The following ATL1 variants were observed in gnomAD, a reference collection of about 807,000 sequenced individuals.
The protein encoded by ATL1 is atlastin-1.
A neutral mutation model predicts 75.5 loss-of-function variants in ATL1; 31 were observed. The observed-to-expected ratio is 0.41, with a 90% CI of 0.31 to 0.55. The LOEUF (loss-of-function observed/expected upper bound fraction) is 0.55. Among genes scored for constraint, ATL1 ranks in the 20% least tolerant of loss-of-function variants. ATL1 has a pLI of 0.27. For missense variants in ATL1, 405 were observed against 662.6 expected (o/e 0.61, Z 4.27); for synonymous variants, 226 against 233.3 (o/e 0.97, Z 0.28).
chr14:50,621,042 T>C (rs1212281913), intron 9 of ATL1, among the ~76,000 whole-genome samples: 2 of 152,218 alleles, frequency 1.3e-5, no homozygotes, highest in Non-Finnish European at 2.9e-5. Context: ...CCAGGGTCCA[T>C]GGTCTATTCT....
chr14:50,555,324 C>G (rs2038752909), upstream of ATL1, among the ~76,000 whole-genome samples: 3 of 152,232 alleles, frequency 2.0e-5, no homozygotes, highest in South Asian at 6.2e-4. Context: ...CTCTGTCACC[C>G]AGGCTGGAGT....
upstream of ATL1, among the ~76,000 whole-genome samples, chr14:50,556,482 T>G (rs1296135789): frequency 6.6e-6 from 1 of 152,188 alleles, no homozygotes; most frequent in African/African-American, 2.4e-5. Flanking sequence ...CTTCCCAAAG[T>G]GCTGGGATTA....
chr14:50,579,405 T>C (rs1005705569), intron 1 of ATL1, among the ~76,000 whole-genome samples: 14 of 152,234 alleles, frequency 9.2e-5, no homozygotes, highest in Admixed American at 3.3e-4. Flanking sequence ...TATTGGTGTC[T>C]GTTAGTGTAA....
chr14:50,610,258 C>T (rs575585221), intron 6 of ATL1, among the ~76,000 whole-genome samples: 76 of 152,158 alleles, frequency 5.0e-4, no homozygotes, highest in Non-Finnish European at 8.1e-4. Context: ...TGAGAAAATA[C>T]TTAGTAAAGT....
intron 2 of ATL1, among the ~76,000 whole-genome samples, chr14:50,589,042 G>A (rs2039129103): frequency 6.6e-6 from 1 of 151,858 alleles, no homozygotes; most frequent in South Asian, 2.1e-4. Flanking sequence ...CATAGATTTT[G>A]CACTTAGGCA....
intron 2 of ATL1, 91 bp downstream of exon 2, chr14:50,588,169 A>G (rs1210166525): frequency 2.7e-6 from 4 of 1,476,472 alleles, no homozygotes; most frequent in African/African-American, 2.8e-5. Context: ...TTTCATTTCT[A>G]TTATTATGTA....
chr14:50,572,778 G>C (rs2038966041), intron 1 of ATL1, among the ~76,000 whole-genome samples: 3 of 152,130 alleles, frequency 2.0e-5, no homozygotes, highest in African/African-American at 7.2e-5. Context: ...TTGATATGTA[G>C]TAGATTTATT....
At chr14:50,537,434 G>T (rs1039596076) in intron 1 of ATL1, among the ~76,000 whole-genome samples, 2 of 152,216 alleles carry the variant, frequency 1.3e-5, no homozygotes, top group African/African-American at 4.8e-5. Flanking sequence ...GAAATGTGGG[G>T]TCAGAGCCCC....
chr14:50,553,952 A>G (rs953556861), intron 1 of ATL1, among the ~76,000 whole-genome samples: 1 of 152,150 alleles, frequency 6.6e-6, no homozygotes, highest in African/African-American at 2.4e-5. Context: ...GACTCCGGGC[A>G]AAGGGTCGGG....
chr14:50,548,313 A>G lies in ATL1; in HGVS notation c.-139-11814A>G, dbSNP rs147134755. 8.5e-5 allele frequency among the ~76,000 whole-genome samples: 13 copies of G among 152,282 alleles called. No homozygotes were observed. The East Asian group carries it at 2.3e-3, about 27-fold the overall frequency. On this transcript the variant is annotated intron_variant, in intron 1 of 13. Transcript: ENST00000441560. The stretch of plus-strand genomic sequence containing the variant: ...ATTGTACACCCTAATGAAGAAGAGT[A>G]AAAAATGGGATTGGGCACACATAGA...
intron 6 of ATL1, among the ~76,000 whole-genome samples, chr14:50,604,229 A>G (rs2140218186): frequency 6.6e-6 from 1 of 152,264 alleles, no homozygotes; most frequent in East Asian, 1.9e-4. Flanking sequence ...GCTGACCTCA[A>G]CCTAGGCCAC....
Position 50,621,919 on chromosome 14 carries a change from C to A in ATL1, c.1047+20C>A. 1 of 1,554,594 alleles carries A rather than the reference C, an allele frequency of 6.4e-7. No individual in the cohort carries two copies. Among genetic ancestry groups the A allele is most frequent in the Non-Finnish European group, 8.9e-7 (1 of 1,127,222 alleles). On this transcript the variant is annotated intron_variant, in intron 10 of 13. Transcript: ENST00000358385. ...TTACAGGTATTTATTAATGAGGAGG[C>A]ATGTTTTAAGACACGTGACTAAGGC...
In ATL1 at chr14:50,620,580, G is replaced by C; in HGVS notation, c.863-19G>C. 1 of 1,608,378 alleles carries C rather than the reference G, an allele frequency of 6.2e-7. No homozygotes were observed. The highest frequency in any genetic ancestry group is 8.5e-7 in the Non-Finnish European group (1 of 1,176,326). On this transcript the variant is annotated intron_variant, in intron 8 of 13. Coordinates refer to ENST00000358385, the MANE Select transcript of ATL1 (RefSeq NM_015915.5). Reference sequence around the variant, plus strand: ...GGGAAGGATTCCAAAAATAATAATGGATTTGCTTTTACTTGTAGAAATAGA... The same window carrying C: ...GGGAAGGATTCCAAAAATAATAATGCATTTGCTTTTACTTGTAGAAATAGA...
chr14:50,545,987 A>C (rs2140152759), intron 1 of ATL1, among the ~76,000 whole-genome samples: 1 of 152,206 alleles, frequency 6.6e-6, no homozygotes, highest in South Asian at 2.1e-4. Context: ...CCTGCTTTGA[A>C]TCTGTTGTTA....
At chr14:50,536,534 A>G (rs763448113) in intron 1 of ATL1, among the ~76,000 whole-genome samples, 10 of 152,164 alleles carry the variant, frequency 6.6e-5, no homozygotes, top group Non-Finnish European at 1.3e-4. Context: ...GGTAACAGGC[A>G]GAGGTTGGAA....
intron 1 of ATL1, among the ~76,000 whole-genome samples, chr14:50,535,680 A>G (rs189393309): frequency 5.6e-4 from 86 of 152,350 alleles, no homozygotes; most frequent in Non-Finnish European, 8.1e-4. Flanking sequence ...ATGGCAATAG[A>G]ACATGTATCT....
intron 11 of ATL1, among the ~76,000 whole-genome samples, chr14:50,626,481 T>C: frequency 6.6e-6 from 1 of 152,234 alleles, no homozygotes; most frequent in East Asian, 1.9e-4. Context: ...AGCCTGAAGA[T>C]GTGACTCAAT....
At chr14:50,622,098 C>T (rs986454177) in intron 10 of ATL1, among the ~76,000 whole-genome samples, 199 bp downstream of exon 10, 7 of 152,238 alleles carry the variant, frequency 4.6e-5, no homozygotes, top group African/African-American at 1.2e-4. Flanking sequence ...GAGACACAAA[C>T]ACTTTATACC....
chr14:50,587,396 T>TTTTC (rs1290468573), intron 1 of ATL1, among the ~76,000 whole-genome samples: 1 of 152,116 alleles, frequency 6.6e-6, no homozygotes, highest in African/African-American at 2.4e-5. Flanking sequence ...CAAACATTTC[T>TTTTC]TTTCTTTCTT....
Sources: gnomAD v4.1 joint callset for allele counts (sites outside exome capture counted in the v4.1 genomes callset) on GRCh38, gnomAD v4.1.1 for gene constraint, MANE v1.5 for transcripts, NCBI Gene and HGNC (gene_info 2026-07-23, HGNC 2026-07-21) for gene names.